Variants in BTBD9 observed in about 807,000 individuals in gnomAD.
The protein encoded by BTBD9 is BTB/POZ domain-containing protein 9.
In BTBD9, 49 loss-of-function variants were observed where a neutral mutation model predicts 64.3. The ratio of observed to expected loss-of-function variants is 0.76; its 90% confidence interval spans 0.61 to 0.97. The LOEUF is 0.97. Ranked by LOEUF, BTBD9 falls within the 50% of genes least tolerant of loss-of-function variation. BTBD9 has a pLI of 0.00. For missense variants in BTBD9, 598 were observed against 762.1 expected (o/e 0.78, Z 2.53); for synonymous variants, 260 against 274.7 (o/e 0.95, Z 0.53).
At chr6:38,412,357 T>G (rs1273884817) in intron 6 of BTBD9, among the ~76,000 whole-genome samples, 1 of 152,010 alleles carries the variant, frequency 6.6e-6, no homozygotes. Context: ...TATGCTCAAC[T>G]TCCTTCTCGA....
chr6:38,398,799 C>T (rs1766802937), intron 6 of BTBD9, among the ~76,000 whole-genome samples: 1 of 152,142 alleles, frequency 6.6e-6, no homozygotes, highest in Non-Finnish European at 1.5e-5. Flanking sequence ...TTCTTATACC[C>T]ATTTAAACAT....
chr6:38,486,530 G>A (rs2127386570), intron 6 of BTBD9, among the ~76,000 whole-genome samples: 1 of 152,274 alleles, frequency 6.6e-6, no homozygotes, highest in Non-Finnish European at 1.5e-5. Flanking sequence ...TGTATCTCAG[G>A]GAATAGGGAG....
At chr6:38,375,750 A>G (rs1036263083) in intron 6 of BTBD9, among the ~76,000 whole-genome samples, 1 of 152,166 alleles carries the variant, frequency 6.6e-6, no homozygotes, top group Non-Finnish European at 1.5e-5. Context: ...AACACTGCAT[A>G]CTGTGCAACA....
At chr6:38,382,599 C>G (rs1251046511) in intron 6 of BTBD9, among the ~76,000 whole-genome samples, 2 of 144,868 alleles carry the variant, frequency 1.4e-5, no homozygotes, top group Non-Finnish European at 3.0e-5. Flanking sequence ...AATAATGAAA[C>G]AAGAAACAAT....
At chr6:38,381,066 AAAG>A (rs1765912109) in intron 6 of BTBD9, among the ~76,000 whole-genome samples, 1 of 152,180 alleles carries the variant, frequency 6.6e-6, no homozygotes, top group Admixed American at 6.5e-5. Context: ...GGAAAGAATA[AAAG>A]AAGTAAAATT....
chr6:38,179,000 G>A (rs879414007), intron 10 of BTBD9, among the ~76,000 whole-genome samples: 13 of 152,102 alleles, frequency 8.5e-5, no homozygotes, highest in Admixed American at 3.3e-4. Flanking sequence ...CTACAGGCAC[G>A]TGCCACCACA....
intron 6 of BTBD9, among the ~76,000 whole-genome samples, chr6:38,470,066 G>GA (rs1051769756): frequency 6.6e-6 from 1 of 152,136 alleles, no homozygotes. Context: ...GTTCCAAAGA[G>GA]AAAACAGAGA....
intron 7 of BTBD9, among the ~76,000 whole-genome samples, chr6:38,340,888 T>C (rs1279540359): frequency 2.6e-5 from 4 of 152,176 alleles, no homozygotes; most frequent in Non-Finnish European, 4.4e-5. Flanking sequence ...ACACTACCTA[T>C]GGAGCATTAT....
At chr6:38,180,694 C>A (rs994145583) in intron 10 of BTBD9, among the ~76,000 whole-genome samples, 2 of 152,236 alleles carry the variant, frequency 1.3e-5, no homozygotes, top group Admixed American at 1.3e-4. Flanking sequence ...TTATGCAAAA[C>A]CATTACTCTG....
intron 9 of BTBD9, among the ~76,000 whole-genome samples, chr6:38,199,341 C>T (rs922182363): frequency 2.9e-4 from 44 of 152,092 alleles, no homozygotes; most frequent in African/African-American, 7.2e-4. Flanking sequence ...TTTCGGGAGC[C>T]GCTGACTGGC....
chr6:38,483,723 C>G (rs1771268375), intron 6 of BTBD9, among the ~76,000 whole-genome samples: 1 of 152,186 alleles, frequency 6.6e-6, no homozygotes, highest in African/African-American at 2.4e-5. Flanking sequence ...CTAGTTTCTA[C>G]TTCACAGCCT....
In BTBD9 at chr6:38,592,663, C is replaced by T; in HGVS notation, c.727G>A (p.Gly243Arg). The T allele has an allele frequency of 6.2e-7, 1 of 1,614,132 alleles. No homozygotes were observed. Among genetic ancestry groups the T allele is most frequent in the Non-Finnish European group, 8.5e-7 (1 of 1,180,032 alleles). ...AGGATGGCATCAGGAGACAGCAGTC[C>T]TGAAGGCCTCACAACATTCAGAAGC... Reference protein sequence around the residue: ...TELLNVVRPSGLLSPDAILDA... With the variant: ...TELLNVVRPSRLLSPDAILDA... Residue 243 changes from glycine to arginine, a missense_variant, in exon 4 of 11, where the codon GGA (glycine) becomes AGA (arginine). Physicochemically the swap from Gly to Arg is moderately radical, Grantham distance 125. Transcript: ENST00000481247.
chr6:38,327,235 A>C (rs1285003824), intron 7 of BTBD9, among the ~76,000 whole-genome samples: 1 of 152,216 alleles, frequency 6.6e-6, no homozygotes, highest in Non-Finnish European at 1.5e-5. Context: ...TCTTCACAAT[A>C]TTAACGAGCC....
chr6:38,576,236 G>C (rs2127471553), intron 6 of BTBD9, among the ~76,000 whole-genome samples: 1 of 152,236 alleles, frequency 6.6e-6, no homozygotes, highest in East Asian at 1.9e-4. Flanking sequence ...GGGTCCCTCT[G>C]TCACTCTGGA....
intron 6 of BTBD9, among the ~76,000 whole-genome samples, chr6:38,451,868 ACTGT>A (rs897253460): frequency 6.6e-6 from 1 of 152,124 alleles, no homozygotes. Flanking sequence ...CCTGAAAAAT[ACTGT>A]CTGTAGTGTA....
chr6:38,290,789 C>T (rs1293483610), intron 7 of BTBD9, among the ~76,000 whole-genome samples: 1 of 152,094 alleles, frequency 6.6e-6, no homozygotes, highest in Non-Finnish European at 1.5e-5. Context: ...AAAGCACAAC[C>T]CTGCTGTGTG....
chr6:38,290,733 T>C (rs1205559353), intron 7 of BTBD9, among the ~76,000 whole-genome samples: 1 of 152,190 alleles, frequency 6.6e-6, no homozygotes, highest in Non-Finnish European at 1.5e-5. Context: ...TGTACATATT[T>C]CATTGTCTAA....
intron 6 of BTBD9, among the ~76,000 whole-genome samples, chr6:38,362,685 T>C (rs1292480632): frequency 1.3e-5 from 2 of 152,236 alleles, no homozygotes; most frequent in African/African-American, 2.4e-5. Context: ...AGCCATATAC[T>C]GGTGGGATAA....
intron 6 of BTBD9, among the ~76,000 whole-genome samples, chr6:38,379,435 T>C (rs1765834723): frequency 1.3e-5 from 2 of 152,190 alleles, no homozygotes; most frequent in Admixed American, 1.3e-4. Context: ...GGGTTTGCTC[T>C]ACTAAAATAA....
Sources: gnomAD v4.1 joint callset for allele counts (sites outside exome capture counted in the v4.1 genomes callset) on GRCh38, gnomAD v4.1.1 for gene constraint, MANE v1.5 for transcripts, NCBI Gene and HGNC (gene_info 2026-07-23, HGNC 2026-07-21) for gene names.